BSN: variants seen among roughly 807,000 people sequenced by gnomAD.
BSN encodes the protein protein bassoon.
Under a neutral mutation model 264.8 loss-of-function variants are expected in BSN, and 57 were observed. The observed-to-expected ratio is 0.22, with a 90% CI of 0.17 to 0.27. BSN has a LOEUF of 0.27. Ranked by LOEUF, BSN falls within the 10% of genes least tolerant of loss-of-function variation. The pLI, the probability that BSN is intolerant of heterozygous loss-of-function variation, is 1.00. For synonymous variants in BSN, 2,059 were observed against 2,137.3 expected (o/e 0.96, Z 1.01); for missense variants, 4,615 against 5,232.5 (o/e 0.88, Z 3.64).
At position 49,625,419 on chromosome 3, in the gene BSN, T is replaced by TAC; in HGVS notation, c.633+37_633+38dup. On this transcript the variant is annotated intron_variant, in intron 2 of 11. Transcript: ENST00000296452. The surrounding 1 kb of genome is among the most constrained non-coding windows in gnomAD (Gnocchi z 4.4). ...CTGCGCCGGCTCCCCACTCACCTGC[T>TAC]ACCTCATTACCATACCTCCCCTGGT... 1 of 1,427,920 alleles carries TAC rather than the reference T, an allele frequency of 7.0e-7. No homozygotes were observed. Among genetic ancestry groups the TAC allele is most frequent in the Non-Finnish European group, 9.2e-7 (1 of 1,092,572 alleles). 88.5% of individuals were successfully genotyped at this position (1,427,920 alleles called of 1,614,324 possible).
intron 1 of BSN, among the ~76,000 whole-genome samples, chr3:49,577,298 T>A (rs1050987698): frequency 1.3e-5 from 2 of 152,190 alleles, no homozygotes; most frequent in Non-Finnish European, 2.9e-5. Context: ...TTCCTGGGTT[T>A]TAACTCAAAT....
intron 1 of BSN, among the ~76,000 whole-genome samples, chr3:49,613,496 A>AT (rs2052228967): frequency 1.3e-5 from 2 of 150,772 alleles, no homozygotes; most frequent in South Asian, 2.1e-4. Context: ...TATTATTATT[A>AT]TTATTATTTT....
intron 1 of BSN, among the ~76,000 whole-genome samples, chr3:49,606,212 T>TATATATTATATATAC (rs2052143419): frequency 3.3e-5 from 1 of 30,712 alleles, no homozygotes; most frequent in African/African-American, 1.5e-4. Context: ...ATTATATATG[T>TATATATTATATATAC]ATATATTATA....
At chr3:49,588,464 T>C (rs2051952426) in intron 1 of BSN, among the ~76,000 whole-genome samples, 1 of 152,170 alleles carries the variant, frequency 6.6e-6, no homozygotes, top group Non-Finnish European at 1.5e-5. Context: ...TCCCCAGTTT[T>C]TTGAGGGTTT....
In BSN at chr3:49,652,877, G is replaced by A. The variant is rs756349791; in HGVS notation, c.3321G>A (p.Glu1107=). The A allele has an allele frequency of 1.9e-5, 30 of 1,609,304 alleles. No homozygotes were observed. In the South Asian group the frequency reaches 2.9e-4, roughly 15 times the overall value. ...LSPIEDASPT[E]ELRQAAEMEE... is the part of the protein sequence containing the mutation. ...CCATCGAGGATGCCTCCCCGACGGA[G>A]GAGCTGAGGCAGGCGGCCGAGATGG... is the stretch of plus-strand genomic sequence containing the variant. The change falls in exon 5 of 12, where the codon GAG becomes GAA. Residue 1107 remains glutamate, a synonymous_variant. Coordinates refer to ENST00000296452, the MANE Select transcript of BSN (RefSeq NM_003458.4).
chr3:49,639,549 G>T (rs993777102), intron 2 of BSN, among the ~76,000 whole-genome samples: 1 of 152,162 alleles, frequency 6.6e-6, no homozygotes, highest in Non-Finnish European at 1.5e-5. Flanking sequence ...CCAGCTAGTG[G>T]GATGGCTTCT....
intron 1 of BSN, among the ~76,000 whole-genome samples, chr3:49,588,958 A>G: frequency 6.7e-6 from 1 of 149,418 alleles, no homozygotes. Context: ...TCTGTCGCCC[A>G]GGCTGGAGTG....
intron 1 of BSN, among the ~76,000 whole-genome samples, chr3:49,575,022 A>AT (rs2051831969): frequency 6.6e-6 from 1 of 151,926 alleles, no homozygotes; most frequent in African/African-American, 2.4e-5. Flanking sequence ...CTCTTCTGGA[A>AT]TTTTTTCTTT....
intron 1 of BSN, among the ~76,000 whole-genome samples, chr3:49,589,154 C>T (rs1490237764): frequency 6.8e-6 from 1 of 147,918 alleles, no homozygotes. Flanking sequence ...CCTTGTGATC[C>T]GCCCGCCTCG....
intron 3 of BSN, among the ~76,000 whole-genome samples, chr3:49,648,287 C>T (rs988646813): frequency 6.6e-6 from 1 of 152,208 alleles, no homozygotes; most frequent in African/African-American, 2.4e-5. Context: ...CAAGGTGGGC[C>T]AGGGCAGATA....
chr3:49,664,758 G>C, intron 9 of BSN, 41 bp from the exon 10 acceptor site: 4 of 1,612,134 alleles, frequency 2.5e-6, no homozygotes, highest in Non-Finnish European at 3.4e-6. Flanking sequence ...GAGGGGTCTG[G>C]CCCAATTTCC....
In BSN at chr3:49,651,727, T is replaced by G. The variant is rs1278565755; in HGVS notation, c.2171T>G (p.Ile724Ser). 4 of 1,613,336 alleles carry G rather than the reference T, an allele frequency of 2.5e-6. No individual in the cohort carries two copies. Among genetic ancestry groups the G allele is most frequent in the Non-Finnish European group, 3.4e-6 (4 of 1,179,834 alleles). ...TGPHPPSPSE[I>S]HKVGSSMRPL... is the part of the protein sequence containing the mutation. ...CCACATCCACCCAGCCCCTCCGAGATCCACAAGGTGGGGAGCAGCATGCGG... is the reference window on the plus strand; with the variant it reads ...CCACATCCACCCAGCCCCTCCGAGAGCCACAAGGTGGGGAGCAGCATGCGG... Residue 724 changes from isoleucine (I) to serine (S), a missense_variant, in exon 5 of 12, where the codon ATC (isoleucine) becomes AGC (serine). Transcript: ENST00000296452. This position sits in a 1 kb window ranked among gnomAD's most constrained non-coding sequence, Gnocchi z 5.4.
intron 1 of BSN, among the ~76,000 whole-genome samples, chr3:49,583,605 G>A (rs2051911124): frequency 6.6e-6 from 1 of 152,022 alleles, no homozygotes; most frequent in Admixed American, 6.6e-5. Flanking sequence ...GCAAGACCCT[G>A]TCTGTTATAA....
chr3:49,662,093 G>C lies in BSN; in HGVS notation c.10248G>C (p.Val3416=). The change falls in exon 6 of 12, where the codon GTG becomes GTC. Residue 3416 remains valine (V), a synonymous_variant. Transcript: ENST00000296452. ...TCACCTATGGGCTCAAGAAGAACGT[G>C]TATGAGCAGCAAAAATACTATGGGA... ...DEITYGLKKN[V]YEQQKYYGMS... is the part of the protein sequence containing the mutation. The C allele has an allele frequency of 6.2e-7, 1 of 1,613,548 alleles. No homozygotes were observed. The highest frequency in any genetic ancestry group is 8.5e-7 in the Non-Finnish European group (1 of 1,180,048).
In BSN at chr3:49,650,791, C is replaced by G. The variant is rs555239466; in HGVS notation, c.1698C>G (p.Gly566=). 2 of 1,613,918 alleles carry G rather than the reference C, an allele frequency of 1.2e-6. No homozygotes were observed. Among genetic ancestry groups the G allele is most frequent in the East Asian group, 2.2e-5 (1 of 44,878 alleles). Residue 566 remains glycine, a synonymous_variant, in exon 4 of 12, where the codon GGC becomes GGG. Coordinates refer to ENST00000296452, the MANE Select transcript of BSN (RefSeq NM_003458.4). ...KGPQGLGQPS[G]PLPAKASPLS... Reference sequence around the variant, plus strand: ...CACAGGGGCTGGGCCAGCCTTCAGGCCCCCTGCCTGCCAAGGCCAGCCCTC... The same window carrying G: ...CACAGGGGCTGGGCCAGCCTTCAGGGCCCCTGCCTGCCAAGGCCAGCCCTC...
chr3:49,629,069 C>T (rs912189733), intron 2 of BSN, among the ~76,000 whole-genome samples: 9 of 152,140 alleles, frequency 5.9e-5, no homozygotes, highest in Admixed American at 6.6e-5. Context: ...GCACTGATGC[C>T]AGGGGGCCAG....
intron 5 of BSN, 30 bp downstream of exon 5, chr3:49,658,226 G>A: frequency 6.6e-7 from 1 of 1,507,786 alleles, no homozygotes; most frequent in Non-Finnish European, 8.9e-7. Context: ...TCCAGGGTGG[G>A]ACAGGGGTCT....
At position 49,661,147 on chromosome 3, in the gene BSN, C is replaced by G; in HGVS notation, c.9302C>G (p.Pro3101Arg). The change falls in exon 6 of 12, where the codon CCA becomes CGA. Residue 3101 changes from proline (P) to arginine (R), a missense_variant. Coordinates refer to ENST00000296452, the MANE Select transcript of BSN (RefSeq NM_003458.4). ...APAFPPGASY[P>R]AEPGLPNQQA... ...GCCTTTCCTCCTGGTGCCAGTTACC[C>G]AGCTGAGCCTGGCCTGCCAAACCAG... is the stretch of plus-strand genomic sequence containing the variant. 1 of 1,613,206 alleles carries G rather than the reference C, an allele frequency of 6.2e-7. No individual in the cohort carries two copies. Among genetic ancestry groups the G allele is most frequent in the South Asian group, 1.1e-5 (1 of 91,068 alleles).
rs1443004195 is a variant in BSN at position 49,657,477 on chromosome 3, T to C, written c.7921T>C (p.Ser2641Pro). Residue 2641 changes from serine (S) to proline (P), a missense_variant, in exon 5 of 12, where the codon TCT becomes CCT. Physicochemically the swap from Ser to Pro is moderately conservative, Grantham distance 74 (BLOSUM62 -1). Around this residue, in one of 3 missense-constraint regions of BSN, gnomAD observed 3,415 missense variants for 3,866.4 expected, o/e 0.88. Transcript: ENST00000296452. ...TCTTCCCCGCCACTCAGACTCAGGC[T>C]CTGACAGCAAGCACGATGCCACTGC... ...SRLPRHSDSGSDSKHDATASS... is the reference protein window; with the variant it reads ...SRLPRHSDSGPDSKHDATASS... 1 of 1,613,148 alleles carries C rather than the reference T, an allele frequency of 6.2e-7. No homozygotes were observed. Among genetic ancestry groups the C allele is most frequent in the Non-Finnish European group, 8.5e-7 (1 of 1,179,942 alleles).
Sources: allele counts gnomAD v4.1 joint callset (sites outside exome capture counted in the v4.1 genomes callset), GRCh38; gene constraint gnomAD v4.1.1; regional missense constraint gnomAD v4.1.1; non-coding constraint Gnocchi (gnomAD v3.1); transcripts MANE v1.5; gene names NCBI Gene and HGNC (gene_info 2026-07-23, HGNC 2026-07-21).